Variants in NR2E1 observed in about 807,000 individuals in gnomAD.
NR2E1 encodes nuclear receptor subfamily 2 group E member 1.
NR2E1 carries 5 observed loss-of-function variants against 43.6 expected under a neutral mutation model. The ratio of observed to expected loss-of-function variants is 0.11; its 90% CI spans 0.06 to 0.24. The LOEUF (loss-of-function observed/expected upper bound fraction) is 0.24. NR2E1 is among the 10% of genes least tolerant of loss of function. The probability of loss-of-function intolerance (pLI) is 1.00; values close to 1 mark genes in which losing one functional copy is unlikely to be tolerated. For synonymous variants in NR2E1, 191 were observed against 195.5 expected, an observed-to-expected ratio of 0.98 and a Z score of 0.19; for missense variants, 287 against 496.7, an observed-to-expected ratio of 0.58 and a Z score of 4.01.
At chr6:108,184,192 G>A (rs561121359) in intron 8 of NR2E1, among the ~76,000 whole-genome samples, 155 of 152,128 alleles carry the variant, frequency 1.0e-3, no homozygotes, top group African/African-American at 3.5e-3. Context: ...GTGAGACTCC[G>A]TCTAAAAAAC....
At position 108,166,780 on chromosome 6, in the gene NR2E1, C is replaced by T. The variant is rs753185547; in HGVS notation, c.15C>T (p.Ala5=). The T allele has an allele frequency of 8.8e-6, 14 of 1,592,146 alleles. No homozygotes were observed. The highest frequency in any genetic ancestry group is 1.3e-5 in the African/African-American group (1 of 74,884). ...GGACAGCCAGCATGAGCAAGCCAGCCGGATCAACAAGTGGGTACCTCTCGG... is the reference window on the plus strand; with the variant it reads ...GGACAGCCAGCATGAGCAAGCCAGCTGGATCAACAAGTGGGTACCTCTCGG... MSKP[A]GSTSRILDIP... is the part of the protein sequence containing the mutation. The change falls in exon 1 of 9, where the codon GCC becomes GCT. Residue 5 remains alanine (A), a synonymous_variant. Transcript: ENST00000368986. The surrounding 1 kb of genome is among the most constrained non-coding windows in gnomAD (Gnocchi z 7.2).
In NR2E1 at chr6:108,187,670, G is replaced by T; in HGVS notation, c.*207G>T. ...TAGGGCGGGTGGGAAGGAGAGGGGT[G>T]CAACAGGACCGCCTGCACTGAAAAC... On this transcript the variant is annotated 3_prime_UTR_variant, in exon 9 of 9. Transcript: ENST00000368986. 1.8e-6 allele frequency: 1 copy of T among 569,288 alleles called. No individual in the cohort carries two copies. Among genetic ancestry groups the T allele is most frequent in the Non-Finnish European group, 3.2e-6 (1 of 317,396 alleles). 35.3% of individuals were successfully genotyped at this position (569,288 alleles called of 1,614,324 possible). A position where few individuals can be genotyped will look rare whatever the true frequency, so the allele number is the denominator to read the frequency against.
At chr6:108,175,040 G>C (rs1773873635) in intron 3 of NR2E1, 117 bp downstream of exon 3, 1 of 951,040 alleles carries the variant, frequency 1.1e-6, no homozygotes, top group African/African-American at 1.6e-5. Flanking sequence ...CTTTCCAGAT[G>C]CTGGGAATTG....
In NR2E1 at chr6:108,184,687, G is replaced by C. The variant is rs907178472; in HGVS notation, c.996-2614G>C. On this transcript the variant is annotated intron_variant, in intron 8 of 8. Coordinates refer to ENST00000368986, the MANE Select transcript of NR2E1 (RefSeq NM_003269.5). ...GTGCCAGAGAGGTGAGTGAGGAGGG[G>C]AGCCTGGTGTGCCAGGAGCTGCTGA... is the stretch of plus-strand genomic sequence containing the variant. Among the ~76,000 whole-genome samples the C allele has an allele frequency of 6.6e-4, 101 of 152,126 alleles. 5 individuals carry two copies. The highest frequency in any genetic ancestry group is 1.5e-5 in the Non-Finnish European group (1 of 68,026).
At chr6:108,175,556 G>A (rs1393970270) in intron 3 of NR2E1, among the ~76,000 whole-genome samples, 1 of 152,238 alleles carries the variant, frequency 6.6e-6, no homozygotes, top group Non-Finnish European at 1.5e-5. Flanking sequence ...AGGCTCTTAA[G>A]CGCGCAACAG....
chr6:108,167,511 C>T (rs1164873544), intron 1 of NR2E1, among the ~76,000 whole-genome samples: 1 of 152,170 alleles, frequency 6.6e-6, no homozygotes, highest in East Asian at 1.9e-4. Flanking sequence ...CCTCTCACCA[C>T]CCCGAGACTC....
chr6:108,171,940 G>A (rs184305655), intron 2 of NR2E1, among the ~76,000 whole-genome samples: 50 of 152,296 alleles, frequency 3.3e-4, no homozygotes, highest in African/African-American at 1.2e-3. Context: ...AAAGAATTTA[G>A]CATCTAAACC....
At chr6:108,175,285 C>T (rs766547116) in intron 3 of NR2E1, among the ~76,000 whole-genome samples, 1 of 152,252 alleles carries the variant, frequency 6.6e-6, no homozygotes, top group African/African-American at 2.4e-5. Flanking sequence ...GCTAGCCTGC[C>T]CCAGGATCTT....
intron 5 of NR2E1, among the ~76,000 whole-genome samples, chr6:108,178,690 A>G (rs548490069): frequency 6.6e-6 from 1 of 152,292 alleles, no homozygotes; most frequent in African/African-American, 2.4e-5. Flanking sequence ...CCAGCTTTAT[A>G]TTCTCCATTG....
At chr6:108,177,968 G>A in intron 4 of NR2E1, 127 bp from the exon 5 acceptor site, 1 of 1,048,426 alleles carries the variant, frequency 9.5e-7, no homozygotes, top group African/African-American at 1.6e-5. Flanking sequence ...TCAACTGCAT[G>A]TTTAAACAAA....
chr6:108,176,887 T>TA, intron 4 of NR2E1, 149 bp downstream of exon 4: 1 of 735,708 alleles, frequency 1.4e-6, no homozygotes, highest in African/African-American at 1.8e-5. Context: ...CTCCAGCCCT[T>TA]CTGCTCTCCC....
Position 108,180,888 on chromosome 6 carries a change from G to A in NR2E1, c.821G>A (p.Arg274Gln), listed in dbSNP as rs148906882. 17 of 1,613,998 alleles carry A rather than the reference G, an allele frequency of 1.1e-5. No homozygotes were observed. Among genetic ancestry groups the A allele is most frequent in the South Asian group, 2.2e-5 (2 of 91,084 alleles). The change falls in exon 7 of 9, where the codon CGA becomes CAA. Residue 274 changes from arginine (R) to glutamine (Q), a missense_variant. Transcript: ENST00000368986. The surrounding 1 kb of genome is among the most constrained non-coding windows in gnomAD (Gnocchi z 5.4). ...CAGGCTTTACAAGAGGTGGTGGCTC[G>A]ATTTAGACAACTCCGGTTAGATGCT... Reference protein sequence around the residue: ...EIQALQEVVARFRQLRLDATE... With the variant: ...EIQALQEVVAQFRQLRLDATE...
intron 8 of NR2E1, among the ~76,000 whole-genome samples, chr6:108,183,921 G>T (rs1774034002): frequency 6.6e-6 from 1 of 152,216 alleles, no homozygotes; most frequent in Non-Finnish European, 1.5e-5. Context: ...GCCGGGCACA[G>T]TGGCTCACAC....
Position 108,166,808 on chromosome 6 carries a change from C to T in NR2E1, c.25+18C>T. The stretch of plus-strand genomic sequence containing the variant: ...ATCAACAAGTGGGTACCTCTCGGGC[C>T]GCCGTGGGGCCTAGGCGCGCAGCCT... On this transcript the variant is annotated intron_variant, in intron 1 of 8. Transcript: ENST00000368986. The surrounding 1 kb of genome is among the most constrained non-coding windows in gnomAD (Gnocchi z 7.2). 6.3e-7 allele frequency: 1 copy of T among 1,589,632 alleles called. No individual in the cohort carries two copies.
chr6:108,180,846 A>G lies in NR2E1; in HGVS notation c.779A>G (p.Lys260Arg). The G allele has an allele frequency of 6.2e-7, 1 of 1,614,144 alleles. No homozygotes were observed. Among genetic ancestry groups the G allele is most frequent in the Non-Finnish European group, 8.5e-7 (1 of 1,179,946 alleles). ...GDNTDSQKLN[K>R]IISEIQALQE... ...AACACAGATTCCCAGAAGCTGAACA[A>G]GATCATATCTGAAATACAGGCTTTA... The change falls in exon 7 of 9, where the codon AAG becomes AGG. Residue 260 changes from lysine to arginine, a missense_variant. Coordinates refer to ENST00000368986, the MANE Select transcript of NR2E1 (RefSeq NM_003269.5). The surrounding 1 kb of genome is among the most constrained non-coding windows in gnomAD (Gnocchi z 5.4).
Position 108,166,887 on chromosome 6 carries a change from T to C in NR2E1, c.25+97T>C, listed in dbSNP as rs1246420208. 16 of 1,271,328 alleles carry C rather than the reference T, an allele frequency of 1.3e-5. No homozygotes were observed. Among genetic ancestry groups the C allele is most frequent in the Non-Finnish European group, 1.8e-5 (16 of 902,900 alleles). The allele number at this position is 1,271,328 out of a possible 1,614,324, so 78.8% of individuals were successfully genotyped here. A position where few individuals can be genotyped will look rare whatever the true frequency, so the allele number is the denominator to read the frequency against. On this transcript the variant is annotated intron_variant, in intron 1 of 8. Coordinates refer to ENST00000368986, the MANE Select transcript of NR2E1 (RefSeq NM_003269.5). The surrounding 1 kb of genome is among the most constrained non-coding windows in gnomAD (Gnocchi z 7.2). ...GGTCCTGCCTGGAGCGCTGCGAATC[T>C]GAGCCCCTGAGAGGGATTCCAGCGG...
At chr6:108,178,269 AAG>A in intron 5 of NR2E1, 28 bp downstream of exon 5, 2 of 1,613,898 alleles carry the variant, frequency 1.2e-6, no homozygotes, top group African/African-American at 1.3e-5. Flanking sequence ...CCTTGGGAGA[AAG>A]AGAGCTGGGA....
In NR2E1 at chr6:108,182,135, G is replaced by A. The variant is rs183818451; in HGVS notation, c.995+484G>A. ...GCACCTGTAGTCCCAGCAGCTACTC[G>A]GAAGGCTGAGGCAGGAGAATGTCGT... On this transcript the variant is annotated intron_variant, in intron 8 of 8. Transcript: ENST00000368986. Among the ~76,000 whole-genome samples the A allele has an allele frequency of 2.6e-4, 39 of 151,958 alleles. No homozygotes were observed. The East Asian group carries it at 7.2e-3, about 28-fold the overall frequency.
intron 2 of NR2E1, 83 bp from the exon 3 acceptor site, chr6:108,174,753 C>A: frequency 8.1e-7 from 1 of 1,237,866 alleles, no homozygotes. Flanking sequence ...CGCGCCTCCA[C>A]ACCGTTTCCC....
Sources: gnomAD v4.1 joint callset for allele counts (sites outside exome capture counted in the v4.1 genomes callset) on GRCh38, gnomAD v4.1.1 for gene constraint, Gnocchi (gnomAD v3.1) non-coding constraint, MANE v1.5 for transcripts, NCBI Gene and HGNC (gene_info 2026-07-23, HGNC 2026-07-21) for gene names.